Variants in GABRA3 observed in about 807,000 individuals in gnomAD.
GABRA3 encodes the protein gamma-aminobutyric acid receptor subunit alpha-3.
Under a neutral mutation model 30.1 loss-of-function variants are expected in GABRA3, and 10 were observed. The observed-to-expected ratio is 0.33, with a 90% CI of 0.20 to 0.56. The LOEUF (loss-of-function observed/expected upper bound fraction) is 0.56, where lower values mean the gene tolerates loss of function less well. Ranked by LOEUF, GABRA3 falls within the 20% of genes least tolerant of loss-of-function variation. The pLI, the probability that GABRA3 is intolerant of heterozygous loss-of-function variation, is 0.89. For synonymous variants in GABRA3, 151 were observed against 146.8 expected, an observed-to-expected ratio of 1.03 and a Z score of -0.21; for missense variants, 233 against 392.0, an observed-to-expected ratio of 0.59 and a Z score of 3.42.
intron 1 of GABRA3, among the ~76,000 whole-genome samples, chrX:152,420,660 T>C (rs1459936801): frequency 9.0e-6 from 1 of 111,473 alleles, no homozygotes; most frequent in East Asian, 2.8e-4. Context: ...GTCTGGGAAT[T>C]GGCAATCCGA....
intron 5 of GABRA3, among the ~76,000 whole-genome samples, chrX:152,240,674 C>G (rs1938341597): frequency 2.0e-5 from 2 of 100,512 alleles, no homozygotes; most frequent in African/African-American, 8.2e-5. Flanking sequence ...TCCCATATTT[C>G]TTGGAGGCTT....
chrX:152,277,168 T>C (rs749175858), intron 4 of GABRA3, among the ~76,000 whole-genome samples: 6 of 111,209 alleles, frequency 5.4e-5, no homozygotes, highest in African/African-American at 2.0e-4. Context: ...TAGACATAGC[T>C]ACTTTTTCTA....
At chrX:152,175,896 C>T (rs1296024541) in intron 9 of GABRA3, among the ~76,000 whole-genome samples, 1 of 109,019 alleles carries the variant, frequency 9.2e-6, no homozygotes, top group Non-Finnish European at 1.9e-5. Flanking sequence ...AACCCAGTCT[C>T]TACTAAAAAT....
chrX:152,435,939 A>G (rs915022148), intron 1 of GABRA3, among the ~76,000 whole-genome samples: 1 of 111,708 alleles, frequency 9.0e-6, no homozygotes, highest in African/African-American at 3.2e-5. Context: ...AAAAGCATGT[A>G]TTACTTAAGA....
chrX:152,381,190 G>A (rs1238993197), intron 1 of GABRA3, among the ~76,000 whole-genome samples: 1 of 111,962 alleles, frequency 8.9e-6, no homozygotes, highest in Admixed American at 9.5e-5. Flanking sequence ...ACAGAACTGT[G>A]AACTAAATAA....
intron 1 of GABRA3, among the ~76,000 whole-genome samples, chrX:152,380,403 A>G (rs765634297): frequency 8.9e-6 from 1 of 112,252 alleles, no homozygotes; most frequent in African/African-American, 3.2e-5. Context: ...CTTCAGGTTC[A>G]TCTATATTGT....
At chrX:152,267,973 T>A in intron 4 of GABRA3, among the ~76,000 whole-genome samples, 1 of 109,010 alleles carries the variant, frequency 9.2e-6, no homozygotes, top group East Asian at 2.8e-4. Context: ...TATTTTGTTT[T>A]AATTTCATTT....
chrX:152,194,773 C>A (rs992958329), intron 8 of GABRA3, among the ~76,000 whole-genome samples: 3 of 110,678 alleles, frequency 2.7e-5, no homozygotes, highest in African/African-American at 9.9e-5. Flanking sequence ...CTTTAAAAAT[C>A]TTTTGAGACA....
At chrX:152,176,272 T>G (rs1325829521) in intron 9 of GABRA3, among the ~76,000 whole-genome samples, 3 of 110,442 alleles carry the variant, frequency 2.7e-5, no homozygotes, top group Non-Finnish European at 3.8e-5. Flanking sequence ...GGGAAGCCAT[T>G]AAACTATTTG....
chrX:152,232,688 T>C (rs1321302058), intron 5 of GABRA3, among the ~76,000 whole-genome samples: 1 of 107,415 alleles, frequency 9.3e-6, no homozygotes, highest in African/African-American at 3.4e-5. Flanking sequence ...TATATATACA[T>C]ATATATATAA....
chrX:152,382,195 T>C, intron 1 of GABRA3, among the ~76,000 whole-genome samples: 1 of 112,258 alleles, frequency 8.9e-6, no homozygotes, highest in Non-Finnish European at 1.9e-5. Flanking sequence ...TCATCACTGG[T>C]TATTAGAGAA....
intron 1 of GABRA3, among the ~76,000 whole-genome samples, chrX:152,422,505 C>T (rs546943174): frequency 2.8e-3 from 307 of 109,918 alleles, no homozygotes; most frequent in Middle Eastern, 9.3e-3. Flanking sequence ...AAATTCATTG[C>T]GCTGTACAAT....
At chrX:152,433,974 A>G (rs1023192352) in intron 1 of GABRA3, among the ~76,000 whole-genome samples, 1 of 112,037 alleles carries the variant, frequency 8.9e-6, no homozygotes, top group African/African-American at 3.2e-5. Flanking sequence ...CTTGAGAAGA[A>G]ATAGATAATC....
intron 3 of GABRA3, among the ~76,000 whole-genome samples, chrX:152,289,446 G>A (rs5925155): frequency 0.45 from 48,182 of 107,861 alleles, 10,096 homozygotes; most frequent in Non-Finnish European, 0.64. Flanking sequence ...TAAATGCCCC[G>A]ACTTATTTTG....
chrX:152,343,884 T>C (rs1016865248), intron 3 of GABRA3, among the ~76,000 whole-genome samples: 1 of 112,297 alleles, frequency 8.9e-6, no homozygotes, highest in African/African-American at 3.2e-5. Context: ...AAGTACTTGT[T>C]GGACTGCAAT....
Position 152,166,249 on chromosome X carries a change from G to A in GABRA3, c.*1979C>T, listed in dbSNP as rs998747793. The stretch of plus-strand genomic sequence containing the variant: ...GCAGACCAAGTACAATTCAGAAAGG[G>A]TTTAATAAACAGCAGCTAAACATTG... On this transcript the variant is annotated 3_prime_UTR_variant, in exon 10 of 10. Transcript: ENST00000370314. The A allele has an allele frequency of 1.8e-5, 2 of 111,538 alleles. No homozygotes were observed. Among genetic ancestry groups the A allele is most frequent in the African/African-American group, 6.5e-5 (2 of 30,643 alleles). The allele number at this position is 111,538 out of a possible 1,213,427, so 9.2% of individuals were successfully genotyped here. A position where few individuals can be genotyped will look rare whatever the true frequency, so the allele number is the denominator to read the frequency against.
intron 5 of GABRA3, among the ~76,000 whole-genome samples, chrX:152,253,963 G>A (rs1363540258): frequency 9.0e-6 from 1 of 111,718 alleles, no homozygotes; most frequent in African/African-American, 3.2e-5. Context: ...AAAACAATGA[G>A]TTAGATGACC....
rs185970038 is a variant in GABRA3, at chrX:152,376,989, T to C, written c.-26-12393A>G. Reference sequence around the variant, plus strand: ...AAGAATAATGGAAAAAAGGCAAAAATCCAATGTCTAAAAGGGAATTTGATT... The same window carrying C: ...AAGAATAATGGAAAAAAGGCAAAAACCCAATGTCTAAAAGGGAATTTGATT... On this transcript the variant is annotated intron_variant, in intron 1 of 9. Coordinates refer to ENST00000370314, the MANE Select transcript of GABRA3 (RefSeq NM_000808.4). Among the ~76,000 whole-genome samples the C allele has an allele frequency of 3.7e-3, 411 of 111,600 alleles. 2 individuals carry two copies. The highest frequency in any genetic ancestry group is 6.5e-3 in the Non-Finnish European group (344 of 53,063).
intron 9 of GABRA3, among the ~76,000 whole-genome samples, chrX:152,176,990 C>T (rs1937083016): frequency 8.9e-6 from 1 of 111,754 alleles, no homozygotes; most frequent in Non-Finnish European, 1.9e-5. Context: ...ATACCAAGGA[C>T]GAACAAGAAA....
Sources: gnomAD v4.1 joint callset for allele counts (sites outside exome capture counted in the v4.1 genomes callset) on GRCh38, gnomAD v4.1.1 for gene constraint, MANE v1.5 for transcripts, NCBI Gene and HGNC (gene_info 2026-07-23, HGNC 2026-07-21) for gene names.